RELN: variants seen among roughly 807,000 people sequenced by gnomAD.
RELN encodes the protein reelin.
RELN carries 108 observed loss-of-function variants against 427.6 expected under a neutral mutation model. The ratio of observed to expected loss-of-function variants is 0.25; its 90% CI spans 0.22 to 0.30. The LOEUF is 0.30. Among genes scored for constraint, RELN ranks in the 10% least tolerant of loss-of-function variants. The probability of loss-of-function intolerance (pLI) is 1.00; values close to 1 mark genes in which losing one functional copy is unlikely to be tolerated. For missense variants in RELN, 3,715 were observed against 4,302.8 expected (o/e 0.86, Z 3.82); for synonymous variants, 1,524 against 1,513.4 (o/e 1.01, Z -0.16).
chr7:103,820,988 A>C (rs950587631), intron 3 of RELN, among the ~76,000 whole-genome samples: 3 of 152,224 alleles, frequency 2.0e-5, no homozygotes, highest in African/African-American at 7.2e-5. Flanking sequence ...TTATTTGTTA[A>C]AAAAAGTCAT....
intron 4 of RELN, among the ~76,000 whole-genome samples, chr7:103,772,170 G>A (rs1791584860): frequency 6.6e-6 from 1 of 152,208 alleles, no homozygotes; most frequent in African/African-American, 2.4e-5. Context: ...TTTATGAGGT[G>A]CATACTGTGC....
In RELN at chr7:103,577,499, T is replaced by G. The variant is rs543244564; in HGVS notation, c.4146-1794A>C. 4.6e-5 allele frequency among the ~76,000 whole-genome samples: 7 copies of G among 152,100 alleles called. No homozygotes were observed. The East Asian group carries it at 1.4e-3, about 29-fold the overall frequency. ...GCAGCTAATTTGAAATATATTGATC[T>G]TATTCTTTTTAAGGTAAAAAGAATT... On this transcript the variant is annotated intron_variant, in intron 28 of 64. Transcript: ENST00000428762.
At chr7:103,764,619 T>C (rs558787239) in intron 4 of RELN, among the ~76,000 whole-genome samples, 1 of 151,582 alleles carries the variant, frequency 6.6e-6, no homozygotes, top group Admixed American at 6.6e-5. Context: ...GAGTGGATCA[T>C]GAGATCAAGA....
At chr7:103,616,285 A>G (rs1755318003) in intron 20 of RELN, among the ~76,000 whole-genome samples, 5 of 152,182 alleles carry the variant, frequency 3.3e-5, no homozygotes, top group Admixed American at 3.3e-4. Context: ...GATACCATTC[A>G]GAAGTTATAT....
intron 20 of RELN, among the ~76,000 whole-genome samples, chr7:103,614,119 A>G (rs1832027482): frequency 6.6e-6 from 1 of 152,254 alleles, no homozygotes; most frequent in South Asian, 2.1e-4. Flanking sequence ...CCAAGAAAGA[A>G]ACAAGATAAA....
chr7:103,686,210 C>G (rs893591005), intron 10 of RELN, among the ~76,000 whole-genome samples: 4 of 152,108 alleles, frequency 2.6e-5, no homozygotes, highest in Non-Finnish European at 2.9e-5. Flanking sequence ...ATGAAATCTG[C>G]CTGGTATGCC....
At chr7:103,896,384 A>G (rs912233359) in intron 2 of RELN, among the ~76,000 whole-genome samples, 2 of 152,118 alleles carry the variant, frequency 1.3e-5, no homozygotes, top group African/African-American at 2.4e-5. Context: ...TGTATGCATA[A>G]TAACCCAAAA....
chr7:103,962,939 G>A (rs1796588351), intron 1 of RELN, among the ~76,000 whole-genome samples: 1 of 152,172 alleles, frequency 6.6e-6, no homozygotes, highest in South Asian at 2.1e-4. Flanking sequence ...ACTGTCTAAG[G>A]ACATGGTACC....
intron 3 of RELN, among the ~76,000 whole-genome samples, chr7:103,829,588 G>A (rs1793226466): frequency 6.6e-6 from 1 of 151,720 alleles, no homozygotes. Flanking sequence ...AATAATTTTG[G>A]TCATTTTTCT....
chr7:103,845,146 A>G (rs1510856), intron 2 of RELN, among the ~76,000 whole-genome samples: 2 of 89,800 alleles, frequency 2.2e-5, no homozygotes, highest in African/African-American at 4.2e-5. Flanking sequence ...TCAAAAAAAA[A>G]TTTTTTTTTT....
At chr7:103,689,072 A>C (rs1203057317) in intron 10 of RELN, among the ~76,000 whole-genome samples, 1 of 152,100 alleles carries the variant, frequency 6.6e-6, no homozygotes, top group Non-Finnish European at 1.5e-5. Flanking sequence ...AAATTTAACA[A>C]ATTACTTTTT....
intron 2 of RELN, among the ~76,000 whole-genome samples, chr7:103,863,126 T>C (rs138616655): frequency 1.3e-5 from 2 of 152,166 alleles, no homozygotes; most frequent in African/African-American, 4.8e-5. Context: ...TAAGCAACAA[T>C]GTGCGCCACC....
intron 20 of RELN, among the ~76,000 whole-genome samples, chr7:103,617,142 A>G (rs1832099154): frequency 1.3e-5 from 2 of 152,166 alleles, no homozygotes; most frequent in South Asian, 4.1e-4. Flanking sequence ...TTTAGAAGCT[A>G]TTCATGTTTA....
intron 4 of RELN, among the ~76,000 whole-genome samples, chr7:103,761,939 G>C (rs1791310701): frequency 6.6e-6 from 1 of 152,158 alleles, no homozygotes; most frequent in Non-Finnish European, 1.5e-5. Context: ...AAAATCACTA[G>C]GCTCAAAAGA....
At chr7:103,899,073 G>T (rs1029973505) in intron 2 of RELN, among the ~76,000 whole-genome samples, 5 of 151,954 alleles carry the variant, frequency 3.3e-5, no homozygotes, top group Admixed American at 2.6e-4. Flanking sequence ...AAAGAGAGAA[G>T]AATCGAATAA....
At chr7:103,856,042 C>T (rs1005984706) in intron 2 of RELN, among the ~76,000 whole-genome samples, 2 of 152,056 alleles carry the variant, frequency 1.3e-5, no homozygotes, top group Non-Finnish European at 2.9e-5. Flanking sequence ...TGTTCCTATT[C>T]AGAAAAATAA....
rs765978851 is a variant in RELN at position 103,953,198 on chromosome 7, G to A, written c.226+35933C>T. On this transcript the variant is annotated intron_variant, in intron 1 of 64. Transcript: ENST00000428762. The surrounding 1 kb of genome is among the most constrained non-coding windows in gnomAD (Gnocchi z 4.3). Reference sequence around the variant, plus strand: ...TCAGGGCAAGAAAAGTCTTCCCATGGAAGACAAGCCCTTGAAAGTATCCTC... The same window carrying A: ...TCAGGGCAAGAAAAGTCTTCCCATGAAAGACAAGCCCTTGAAAGTATCCTC... Among the ~76,000 whole-genome samples, 2 of 152,180 alleles carry A rather than the reference G, an allele frequency of 1.3e-5. No homozygotes were observed. The highest frequency in any genetic ancestry group is 2.9e-5 in the Non-Finnish European group (2 of 68,036).
chr7:103,861,547 G>C (rs1794072302), intron 2 of RELN, among the ~76,000 whole-genome samples: 1 of 152,080 alleles, frequency 6.6e-6, no homozygotes, highest in South Asian at 2.1e-4. Flanking sequence ...TGGCCATTTT[G>C]AATCAGGGAA....
intron 3 of RELN, among the ~76,000 whole-genome samples, chr7:103,785,916 GA>G (rs1296685508): frequency 6.6e-6 from 1 of 150,400 alleles, no homozygotes; most frequent in Admixed American, 6.6e-5. Context: ...ATCTTAAAAG[GA>G]AAAAAAGGGA....
Sources: allele counts gnomAD v4.1 joint callset (sites outside exome capture counted in the v4.1 genomes callset), GRCh38; gene constraint gnomAD v4.1.1; non-coding constraint Gnocchi (gnomAD v3.1); transcripts MANE v1.5; gene names NCBI Gene and HGNC (gene_info 2026-07-23, HGNC 2026-07-21).